Variants in NLGN1 observed in about 807,000 individuals in gnomAD.
NLGN1 encodes neuroligin 1.
Under a neutral mutation model 65.5 loss-of-function variants are expected in NLGN1, and 12 were observed. That is an observed-to-expected ratio of 0.18 (90% CI 0.12 to 0.30). NLGN1 has a LOEUF of 0.30. Ranked by LOEUF, NLGN1 falls within the 10% of genes least tolerant of loss-of-function variation. The pLI, the probability that NLGN1 is intolerant of heterozygous loss-of-function variation, is 1.00. For missense variants in NLGN1, 750 were observed against 1,007.1 expected (o/e 0.74, Z 3.46); for synonymous variants, 350 against 359.5 (o/e 0.97, Z 0.30).
At chr3:174,143,408 T>G (rs778453697) in intron 4 of NLGN1, among the ~76,000 whole-genome samples, 1 of 152,186 alleles carries the variant, frequency 6.6e-6, no homozygotes, top group Non-Finnish European at 1.5e-5. Context: ...GATTATTATT[T>G]GGTCGTAACT....
chr3:173,899,047 C>G (rs181637542), intron 4 of NLGN1, among the ~76,000 whole-genome samples: 150 of 152,120 alleles, frequency 9.9e-4, no homozygotes, highest in Non-Finnish European at 2.2e-4. Flanking sequence ...AGTTCAGAGA[C>G]AAAATGATAA....
rs192896216 is a variant in NLGN1 at position 174,085,115 on chromosome 3, A to G, written c.647-190200A>G. On this transcript the variant is annotated intron_variant, in intron 4 of 6. Coordinates refer to ENST00000457714, the Ensembl canonical transcript of NLGN1. ...AAAAATGTAAACATTATTTCTTAAAATTTGCTCCTTAGGGATGGATAGATA... is the reference window on the plus strand; with the variant it reads ...AAAAATGTAAACATTATTTCTTAAAGTTTGCTCCTTAGGGATGGATAGATA... 2.3e-3 allele frequency among the ~76,000 whole-genome samples: 343 copies of G among 152,066 alleles called. 3 individuals are homozygous for G. The highest frequency in any genetic ancestry group is 9.9e-4 in the Non-Finnish European group (67 of 67,854).
chr3:174,273,537 C>T (rs2152882861), intron 4 of NLGN1, among the ~76,000 whole-genome samples: 1 of 151,090 alleles, frequency 6.6e-6, no homozygotes, highest in South Asian at 2.1e-4. Context: ...TTTTATTATC[C>T]TCTAATTTAT....
At chr3:174,039,363 A>G (rs921805330) in intron 4 of NLGN1, among the ~76,000 whole-genome samples, 3 of 151,884 alleles carry the variant, frequency 2.0e-5, no homozygotes, top group Non-Finnish European at 4.4e-5. Flanking sequence ...CTCTCAGTCC[A>G]TCATCTAGGT....
intron 3 of NLGN1, among the ~76,000 whole-genome samples, chr3:173,702,252 AAAAG>A (rs966336408): frequency 5.3e-5 from 8 of 151,980 alleles, no homozygotes; most frequent in South Asian, 2.1e-4. Context: ...AAAAAAAAAA[AAAAG>A]AAGAGTTTTC....
At chr3:174,051,654 A>G (rs73880325) in intron 4 of NLGN1, among the ~76,000 whole-genome samples, 3,655 of 152,170 alleles carry the variant, frequency 0.024, 156 homozygotes, top group African/African-American at 0.083. Flanking sequence ...GAAATTAGAG[A>G]GTAATTATGG....
intron 4 of NLGN1, among the ~76,000 whole-genome samples, chr3:174,053,238 C>G (rs1276544143): frequency 6.6e-6 from 1 of 151,828 alleles, no homozygotes; most frequent in African/African-American, 2.4e-5. Context: ...GTGTGCTTCT[C>G]AACAAAGTAA....
intron 3 of NLGN1, among the ~76,000 whole-genome samples, chr3:173,728,470 T>C (rs1408199199): frequency 2.6e-5 from 4 of 152,114 alleles, no homozygotes; most frequent in Admixed American, 2.0e-4. Context: ...TAAAGCCACG[T>C]GAGCTTTAGA....
chr3:174,047,645 GATACACATAGTA>G (rs963163570), intron 4 of NLGN1, among the ~76,000 whole-genome samples: 1 of 151,858 alleles, frequency 6.6e-6, no homozygotes, highest in Non-Finnish European at 1.5e-5. Flanking sequence ...CCTACATACA[GATACACATAGTA>G]ATACGTGTTA....
chr3:173,397,194 C>T (rs1165966561), upstream of NLGN1, among the ~76,000 whole-genome samples: 1 of 152,024 alleles, frequency 6.6e-6, no homozygotes, highest in Non-Finnish European at 1.5e-5. Context: ...CAGGAGGAGT[C>T]CACAGTGGAG....
intron 4 of NLGN1, among the ~76,000 whole-genome samples, chr3:174,141,362 C>T (rs572554082): frequency 3.2e-4 from 48 of 151,974 alleles, no homozygotes; most frequent in African/African-American, 1.1e-3. Flanking sequence ...CATTAGGATT[C>T]ATTTAAATGC....
chr3:173,471,941 A>G (rs1216064729), intron 2 of NLGN1, among the ~76,000 whole-genome samples: 1 of 152,146 alleles, frequency 6.6e-6, no homozygotes, highest in Non-Finnish European at 1.5e-5. Context: ...AGCAGTGTTG[A>G]CATTCCAAGA....
intron 4 of NLGN1, among the ~76,000 whole-genome samples, chr3:173,996,884 AT>A (rs1172633615): frequency 6.6e-6 from 1 of 152,156 alleles, no homozygotes; most frequent in Non-Finnish European, 1.5e-5. Context: ...CTTCTAGACT[AT>A]CAATGAGACT....
chr3:174,093,044 A>G (rs1423094321), intron 4 of NLGN1, among the ~76,000 whole-genome samples: 1 of 152,222 alleles, frequency 6.6e-6, no homozygotes, highest in Non-Finnish European at 1.5e-5. Flanking sequence ...AGTGAATGCA[A>G]AGAATAAATC....
chr3:173,532,113 A>G (rs188047739), intron 2 of NLGN1, among the ~76,000 whole-genome samples: 43 of 152,206 alleles, frequency 2.8e-4, no homozygotes, highest in African/African-American at 9.9e-4. Flanking sequence ...GTCACTAATA[A>G]TCATTTCTTG....
chr3:173,946,683 A>C (rs1163556798), intron 4 of NLGN1, among the ~76,000 whole-genome samples: 2 of 152,150 alleles, frequency 1.3e-5, no homozygotes, highest in African/African-American at 4.8e-5. Context: ...AGATTAACTC[A>C]TCTTGTACTT....
At chr3:174,096,529 A>G (rs1029794854) in intron 4 of NLGN1, among the ~76,000 whole-genome samples, 7 of 152,142 alleles carry the variant, frequency 4.6e-5, no homozygotes, top group African/African-American at 9.7e-5. Context: ...AGTAGATAGA[A>G]GGTCGGTTTG....
chr3:173,728,200 A>G (rs1349257796), intron 3 of NLGN1, among the ~76,000 whole-genome samples: 2 of 152,068 alleles, frequency 1.3e-5, no homozygotes, highest in Non-Finnish European at 2.9e-5. Context: ...AGAGATGTGT[A>G]GTAGAGAAAA....
intron 4 of NLGN1, among the ~76,000 whole-genome samples, chr3:174,133,129 A>G (rs747414119): frequency 6.6e-6 from 1 of 152,190 alleles, no homozygotes; most frequent in Non-Finnish European, 1.5e-5. Context: ...TTGTGTGAAA[A>G]CACAAGGATA....
Sources: gnomAD v4.1 joint callset for allele counts (sites outside exome capture counted in the v4.1 genomes callset) on GRCh38, gnomAD v4.1.1 for gene constraint, MANE v1.5 for transcripts, NCBI Gene and HGNC (gene_info 2026-07-23, HGNC 2026-07-21) for gene names.